The following MCOLN3 variants were observed in gnomAD, a reference collection of about 807,000 sequenced individuals.
The protein encoded by MCOLN3 is mucolipin-3.
In MCOLN3, 62 loss-of-function variants were observed where a neutral mutation model predicts 69.4. That is an observed-to-expected ratio of 0.89 (90% CI 0.73 to 1.10). The LOEUF (loss-of-function observed/expected upper bound fraction) is 1.10, where lower values mean the gene tolerates loss of function less well. Among genes scored for constraint, MCOLN3 ranks in the 50% least tolerant of loss-of-function variants. The probability of loss-of-function intolerance (pLI) is 0.00; values close to 1 mark genes in which losing one functional copy is unlikely to be tolerated. For synonymous variants in MCOLN3, 183 were observed against 217.0 expected (o/e 0.84, Z 1.38); for missense variants, 564 against 656.4 (o/e 0.86, Z 1.54).
At chr1:85,041,308 G>A (rs928884333) in intron 2 of MCOLN3, 131 bp from the exon 3 acceptor site, 1 of 698,382 alleles carries the variant, frequency 1.4e-6, no homozygotes, top group Non-Finnish European at 2.2e-6. Context: ...AGAAGGTTTT[G>A]CAGCAGGTGG....
chr1:85,031,887 G>A (rs941501117), intron 6 of MCOLN3, among the ~76,000 whole-genome samples: 8 of 149,060 alleles, frequency 5.4e-5, no homozygotes, highest in Non-Finnish European at 8.9e-5. Context: ...CCTGGCTAAC[G>A]CGGTGAAACC....
At chr1:85,029,546 C>T (rs548927371) in intron 6 of MCOLN3, 2 of 167,706 alleles carry the variant, frequency 1.2e-5, no homozygotes, top group East Asian at 1.7e-4. Flanking sequence ...ACTGGTACAA[C>T]TGTGCTTTCT....
chr1:85,024,987 G>T (rs189978783), intron 9 of MCOLN3: 1 of 152,114 alleles, frequency 6.6e-6, no homozygotes, highest in African/African-American at 2.4e-5. Flanking sequence ...AAATAAAGTC[G>T]GCCACTCTTG....
intron 4 of MCOLN3, 74 bp from the exon 5 acceptor site, chr1:85,033,030 G>T: frequency 8.3e-7 from 1 of 1,206,276 alleles, no homozygotes; most frequent in South Asian, 1.2e-5. Flanking sequence ...ATACATTTAA[G>T]ACCAGTTATT....
intron 7 of MCOLN3, among the ~76,000 whole-genome samples, chr1:85,028,784 T>C (rs1266427285): frequency 1.3e-5 from 2 of 152,118 alleles, no homozygotes; most frequent in Admixed American, 1.3e-4. Context: ...TGAAGAAAAC[T>C]AAGGTGGAAG....
chr1:85,044,554 CA>C (rs986942764), intron 2 of MCOLN3, among the ~76,000 whole-genome samples: 4 of 152,184 alleles, frequency 2.6e-5, no homozygotes, highest in African/African-American at 4.8e-5. Flanking sequence ...CCCTTTCCCC[CA>C]AAAAAATATT....
chr1:85,046,336 G>A (rs927971178), intron 1 of MCOLN3, among the ~76,000 whole-genome samples: 4 of 151,970 alleles, frequency 2.6e-5, no homozygotes, highest in South Asian at 2.1e-4. Flanking sequence ...TTTGAAAAGG[G>A]TTGGGTCGGG....
intron 3 of MCOLN3, among the ~76,000 whole-genome samples, chr1:85,040,511 C>G (rs1021527333): frequency 2.0e-5 from 3 of 152,082 alleles, no homozygotes; most frequent in Non-Finnish European, 4.4e-5. Context: ...ATATGAAAAA[C>G]AAGCTTGTTT....
chr1:85,029,283 A>T, intron 6 of MCOLN3, 78 bp from the exon 7 acceptor site: 1 of 851,030 alleles, frequency 1.2e-6, no homozygotes, highest in Non-Finnish European at 1.9e-6. Flanking sequence ...ATTAGGAAAC[A>T]ATTCTTTCAA....
At chr1:85,033,168 G>A (rs1340852752) in intron 4 of MCOLN3, among the ~76,000 whole-genome samples, 1 of 152,196 alleles carries the variant, frequency 6.6e-6, no homozygotes, top group African/African-American at 2.4e-5. Flanking sequence ...CATTTCTGGA[G>A]TGGATGGAGG....
chr1:85,037,042 C>T (rs1019512150), intron 3 of MCOLN3, among the ~76,000 whole-genome samples: 6 of 152,018 alleles, frequency 3.9e-5, no homozygotes, highest in African/African-American at 9.7e-5. Context: ...TATAATAATG[C>T]GATGGAGCTC....
chr1:85,046,310 G>C (rs867902379), intron 1 of MCOLN3, among the ~76,000 whole-genome samples: 34 of 146,380 alleles, frequency 2.3e-4, no homozygotes, highest in South Asian at 2.1e-3. Flanking sequence ...TCTATTTGGG[G>C]GGGGGGGCAG....
At position 85,045,305 on chromosome 1, in the gene MCOLN3, C is replaced by T. The variant is rs145239778; in HGVS notation, c.56G>A (p.Arg19His). The T allele has an allele frequency of 8.1e-5, 130 of 1,614,050 alleles. No individual in the cohort carries two copies. The African/African-American group carries it at 1.5e-3, about 19-fold the overall frequency. The change falls in exon 2 of 13, where the codon CGC (arginine) becomes CAC (histidine). Residue 19 changes from arginine (R) to histidine (H), a missense_variant. Transcript: ENST00000370589. ...AGATGTTTGCTGGTTAAAATTGCAG[C>T]GATTTTCCTCTTCATGAGAGCTGCA... is the stretch of plus-strand genomic sequence containing the variant. ...SSCSSHEEEN[R>H]CNFNQQTSPS... is the part of the protein sequence containing the mutation.
At chr1:85,045,771 G>A (rs1653319588) in intron 1 of MCOLN3, among the ~76,000 whole-genome samples, 1 of 152,130 alleles carries the variant, frequency 6.6e-6, no homozygotes, top group Non-Finnish European at 1.5e-5. Context: ...ATGTGGCTGT[G>A]GACACTTTTT....
chr1:85,020,688 T>C (rs968401006), intron 12 of MCOLN3, among the ~76,000 whole-genome samples: 5 of 152,258 alleles, frequency 3.3e-5, no homozygotes, highest in Admixed American at 1.3e-4. Context: ...TTTTTCTTTA[T>C]GAAAATTGGA....
chr1:85,022,227 G>A (rs550122768), intron 10 of MCOLN3, 35 bp from the exon 11 acceptor site: 1 of 1,613,944 alleles, frequency 6.2e-7, no homozygotes, highest in East Asian at 2.2e-5. Flanking sequence ...GAATGGTTTT[G>A]TCCTTTAGCC....
chr1:85,045,199 C>G lies in MCOLN3; in HGVS notation c.162G>C (p.Trp54Cys). Residue 54 changes from tryptophan (W) to cysteine (C), a missense_variant, in exon 2 of 13, where the codon TGG becomes TGC. Trp to Cys is a radical substitution (Grantham distance 215). Coordinates refer to ENST00000370589, the MANE Select transcript of MCOLN3 (RefSeq NM_018298.11). ...FFFMNPCEKF[W>C]ARGRKPWKLA... ...GTTTCCATGGTTTTCTACCTCGAGC[C>G]CAGAACTTCTCACAGGGATTCATGA... is the stretch of plus-strand genomic sequence containing the variant. The G allele has an allele frequency of 1.2e-6, 2 of 1,613,960 alleles. No individual in the cohort carries two copies. The highest frequency in any genetic ancestry group is 2.2e-5 in the South Asian group (2 of 91,068).
intron 7 of MCOLN3, among the ~76,000 whole-genome samples, chr1:85,028,248 A>C (rs1652319120): frequency 6.6e-6 from 1 of 152,196 alleles, no homozygotes; most frequent in African/African-American, 2.4e-5. Context: ...ACTCTATCTC[A>C]TTATTACGTC....
At chr1:85,037,819 G>C (rs1178418392) in intron 3 of MCOLN3, among the ~76,000 whole-genome samples, 1 of 152,226 alleles carries the variant, frequency 6.6e-6, no homozygotes, top group Non-Finnish European at 1.5e-5. Flanking sequence ...GAGCAGCCAA[G>C]TGGCTGAGGC....
Sources: gnomAD v4.1 joint callset for allele counts (sites outside exome capture counted in the v4.1 genomes callset) on GRCh38, gnomAD v4.1.1 for gene constraint, MANE v1.5 for transcripts, NCBI Gene and HGNC (gene_info 2026-07-23, HGNC 2026-07-21) for gene names.